The following LYPLA1 variants were observed in gnomAD, a reference collection of about 807,000 sequenced individuals.
LYPLA1 encodes the protein acyl-protein thioesterase 1.
Under a neutral mutation model 34.0 loss-of-function variants are expected in LYPLA1, and 17 were observed. The ratio of observed to expected loss-of-function variants is 0.50; its 90% CI spans 0.34 to 0.75. The LOEUF (loss-of-function observed/expected upper bound fraction) is 0.75, where lower values mean the gene tolerates loss of function less well. LYPLA1 is among the 30% of genes least tolerant of loss of function. The pLI is 0.01. For synonymous variants in LYPLA1, 98 were observed against 100.8 expected (o/e 0.97, Z 0.17); for missense variants, 203 against 288.8 (o/e 0.70, Z 2.15).
At chr8:54,098,335 T>G (rs899926775) in intron 2 of LYPLA1, among the ~76,000 whole-genome samples, 2 of 152,124 alleles carry the variant, frequency 1.3e-5, no homozygotes, top group Non-Finnish European at 2.9e-5. Context: ...AAAGGAATGA[T>G]TCGTGTCCTG....
Position 54,046,586 on chromosome 8 carries a change from A to G in LYPLA1, c.*1479T>C, listed in dbSNP as rs1171776805. ...AAAATTTTTAAATCCAGACATAAACATATGGCTTCATTATTAACATCCTGT... is the reference window on the plus strand; with the variant it reads ...AAAATTTTTAAATCCAGACATAAACGTATGGCTTCATTATTAACATCCTGT... On this transcript the variant is annotated 3_prime_UTR_variant, in exon 9 of 9. Coordinates refer to ENST00000316963, the MANE Select transcript of LYPLA1 (RefSeq NM_006330.4). The G allele has an allele frequency of 1.3e-5, 2 of 152,652 alleles. No individual in the cohort carries two copies. The highest frequency in any genetic ancestry group is 4.8e-5 in the African/African-American group (2 of 41,478). 9.5% of individuals were successfully genotyped at this position (152,652 alleles called of 1,614,324 possible).
At chr8:54,101,698 G>A in intron 1 of LYPLA1, 57 bp downstream of exon 1, 1 of 1,239,260 alleles carries the variant, frequency 8.1e-7, no homozygotes, top group Non-Finnish European at 1.0e-6. Flanking sequence ...CGCGCGAGGG[G>A]CAACCACCGG....
At chr8:54,090,406 A>C (rs1403627426) in intron 2 of LYPLA1, among the ~76,000 whole-genome samples, 3 of 152,244 alleles carry the variant, frequency 2.0e-5, no homozygotes, top group Non-Finnish European at 4.4e-5. Flanking sequence ...AGGCTCTATT[A>C]GAAATTACTG....
In LYPLA1 at chr8:54,046,545, T is replaced by C. The variant is rs1475441008; in HGVS notation, c.*1520A>G. ...TTCTTCAAGGTAAAGAAAAATGACATAGTAAATGATTGTTTAAAATTTTTA... is the reference window on the plus strand; with the variant it reads ...TTCTTCAAGGTAAAGAAAAATGACACAGTAAATGATTGTTTAAAATTTTTA... On this transcript the variant is annotated 3_prime_UTR_variant, in exon 9 of 9. Coordinates refer to ENST00000316963, the MANE Select transcript of LYPLA1 (RefSeq NM_006330.4). The C allele has an allele frequency of 6.6e-6, 1 of 152,626 alleles. No homozygotes were observed. Among genetic ancestry groups the C allele is most frequent in the African/African-American group, 2.4e-5 (1 of 41,474 alleles). The allele number at this position is 152,626 out of a possible 1,614,324, so 9.5% of individuals were successfully genotyped here.
In LYPLA1 at chr8:54,051,060, A is replaced by G. The variant is rs1262628470; in HGVS notation, c.591T>C (p.Asn197=). 5.6e-6 allele frequency: 9 copies of G among 1,613,820 alleles called. No individual in the cohort carries two copies. Among genetic ancestry groups the G allele is most frequent in the Non-Finnish European group, 5.9e-6 (7 of 1,179,846 alleles). Residue 197 remains asparagine (N), a synonymous_variant, in exon 8 of 9, where the codon AAT becomes AAC. Transcript: ENST00000316963. ...EKLKTLVNPA[N]VTFKTYEGMM... is the part of the protein sequence containing the mutation. ...TACCTTCATAGGTTTTAAAGGTCACATTGGCTGGATTCACCAATGTTTTTA... is the reference window on the plus strand; with the variant it reads ...TACCTTCATAGGTTTTAAAGGTCACGTTGGCTGGATTCACCAATGTTTTTA...
intron 2 of LYPLA1, chr8:54,100,620 C>G: frequency 2.5e-6 from 1 of 395,836 alleles, no homozygotes; most frequent in South Asian, 2.5e-5. Context: ...CACACCGTCC[C>G]TACTAACATT....
intron 2 of LYPLA1, among the ~76,000 whole-genome samples, chr8:54,084,133 A>AAAAAAAAAATATATAT (rs1373090573): frequency 8.3e-6 from 1 of 120,446 alleles, no homozygotes; most frequent in African/African-American, 4.6e-5. Context: ...AGAAAAAAAA[A>AAAAAAAAAATATATAT]ATAAATAAAT....
chr8:54,093,683 ATTCT>A lies in LYPLA1; in HGVS notation c.101+7221_101+7224del, dbSNP rs143101899. Among the ~76,000 whole-genome samples, 250 of 152,274 alleles carry A rather than the reference ATTCT, an allele frequency of 1.6e-3. 3 individuals are homozygous for A. The East Asian group carries it at 0.043, about 26-fold the overall frequency. On this transcript the variant is annotated intron_variant, in intron 2 of 8. Coordinates refer to ENST00000316963, the MANE Select transcript of LYPLA1 (RefSeq NM_006330.4). ...TGCTCCTCGTATGTCTCACCCTTTA[ATTCT>A]TTATTTATTCATTTATTTGTCCAAC...
intron 7 of LYPLA1, among the ~76,000 whole-genome samples, chr8:54,051,917 C>T (rs997196118): frequency 1.3e-5 from 2 of 150,704 alleles, no homozygotes; most frequent in African/African-American, 2.4e-5. Context: ...GTGGCACAAT[C>T]GTGGCTCACT....
intron 8 of LYPLA1, among the ~76,000 whole-genome samples, chr8:54,049,077 A>C (rs1805665380): frequency 6.6e-6 from 1 of 152,162 alleles, no homozygotes; most frequent in South Asian, 2.1e-4. Flanking sequence ...TGGATTCAAC[A>C]CTGTAATACT....
intron 5 of LYPLA1, 127 bp from the exon 6 acceptor site, chr8:54,055,260 C>G: frequency 5.1e-6 from 3 of 583,740 alleles, no homozygotes; most frequent in Non-Finnish European, 9.1e-6. Context: ...GTGAAAAATT[C>G]AAAGCACTTC....
chr8:54,082,788 G>A (rs1233576911), intron 2 of LYPLA1, among the ~76,000 whole-genome samples: 4 of 151,900 alleles, frequency 2.6e-5, no homozygotes, highest in South Asian at 4.1e-4. Context: ...GTGCAGTGGC[G>A]CGATCTCGGC....
Position 54,055,202 on chromosome 8 carries a change from G to T in LYPLA1, c.287-69C>A, listed in dbSNP as rs1586081155. On this transcript the variant is annotated intron_variant, in intron 5 of 8. Transcript: ENST00000316963. ...AGCCCACTGATAAAATTTAAATTAG[G>T]AAAAAATTAGTAATAGAAAAGCGCA... The T allele has an allele frequency of 4.7e-6, 4 of 843,724 alleles. No homozygotes were observed. The Admixed American group carries it at 1.0e-4, about 21-fold the overall frequency. The allele number at this position is 843,724 out of a possible 1,614,324, so 52.3% of individuals were successfully genotyped here.
At chr8:54,071,055 T>C (rs1050207775) in intron 2 of LYPLA1, among the ~76,000 whole-genome samples, 1 of 152,186 alleles carries the variant, frequency 6.6e-6, no homozygotes, top group South Asian at 2.1e-4. Flanking sequence ...GAAGAATGCA[T>C]GACTGGACCC....
At chr8:54,091,135 G>A (rs916728313) in intron 2 of LYPLA1, among the ~76,000 whole-genome samples, 1 of 152,146 alleles carries the variant, frequency 6.6e-6, no homozygotes, top group African/African-American at 2.4e-5. Context: ...TTCCCGAAGT[G>A]ATAGGATTAC....
chr8:54,083,532 A>T (rs1408099965), intron 2 of LYPLA1, among the ~76,000 whole-genome samples: 2 of 152,214 alleles, frequency 1.3e-5, no homozygotes, highest in Non-Finnish European at 2.9e-5. Context: ...GTTTTCTGCA[A>T]AGGACCAAAA....
chr8:54,060,282 T>A, intron 5 of LYPLA1, among the ~76,000 whole-genome samples: 1 of 151,964 alleles, frequency 6.6e-6, no homozygotes, highest in East Asian at 1.9e-4. Flanking sequence ...GGCGCTACCA[T>A]GCCCGGCTAA....
intron 8 of LYPLA1, among the ~76,000 whole-genome samples, chr8:54,050,323 C>G (rs1805762516): frequency 6.6e-6 from 1 of 152,044 alleles, no homozygotes; most frequent in Admixed American, 6.6e-5. Context: ...GTTACTACAC[C>G]CCACATAATT....
intron 2 of LYPLA1, among the ~76,000 whole-genome samples, chr8:54,078,002 G>A (rs982219741): frequency 5.3e-5 from 8 of 152,072 alleles, no homozygotes; most frequent in Non-Finnish European, 1.0e-4. Flanking sequence ...CCAGGCTGGA[G>A]TGCAGTGACA....
Sources: gnomAD v4.1 joint callset for allele counts (sites outside exome capture counted in the v4.1 genomes callset) on GRCh38, gnomAD v4.1.1 for gene constraint, MANE v1.5 for transcripts, NCBI Gene and HGNC (gene_info 2026-07-23, HGNC 2026-07-21) for gene names.